Variants in LTBP1 observed in about 807,000 individuals in gnomAD.
LTBP1 encodes the protein latent transforming growth factor beta binding protein 1.
LTBP1 carries 129 observed loss-of-function variants against 207.6 expected under a neutral mutation model. The ratio of observed to expected loss-of-function variants is 0.62; its 90% confidence interval spans 0.54 to 0.72. The LOEUF is 0.72. Ranked by LOEUF, LTBP1 falls within the 30% of genes least tolerant of loss-of-function variation. The probability of loss-of-function intolerance (pLI) is 0.00; values close to 1 mark genes in which losing one functional copy is unlikely to be tolerated. For missense variants in LTBP1, 2,281 were observed against 2,217.2 expected (o/e 1.03, Z -0.58); for synonymous variants, 963 against 833.7 (o/e 1.16, Z -2.67).
intron 19 of LTBP1, chr2:33,285,680 C>T (rs535604135): frequency 6.6e-6 from 1 of 152,132 alleles, no homozygotes; most frequent in African/African-American, 2.4e-5. Context: ...AACTCCTGAC[C>T]TTGTGATCCA....
At chr2:33,004,406 T>C (rs1195536610) in intron 2 of LTBP1, among the ~76,000 whole-genome samples, 1 of 151,688 alleles carries the variant, frequency 6.6e-6, no homozygotes. Flanking sequence ...GGCATGGCGA[T>C]TTTTTTTTAA....
intron 3 of LTBP1, among the ~76,000 whole-genome samples, chr2:33,068,119 T>C (rs1287657248): frequency 7.3e-6 from 1 of 137,514 alleles, no homozygotes; most frequent in Admixed American, 8.0e-5. Context: ...TAAAATCTCA[T>C]TAGAGATTAG....
In LTBP1 at chr2:33,226,851, T is replaced by A. The variant is rs138873104; in HGVS notation, c.1876+4700T>A. Among the ~76,000 whole-genome samples, 45 of 152,288 alleles carry A rather than the reference T, an allele frequency of 3.0e-4. No individual in the cohort carries two copies. In the East Asian group the frequency reaches 8.5e-3, roughly 29 times the overall value. On this transcript the variant is annotated intron_variant, in intron 9 of 33. Coordinates refer to ENST00000404816, the MANE Select transcript of LTBP1 (RefSeq NM_206943.4). The stretch of plus-strand genomic sequence containing the variant: ...CAGCCTATTTTGATTAGCAGGGTCA[T>A]GATTAGTGCTCAGAAAATAAGTCCT...
In LTBP1 at chr2:33,046,167, A is replaced by G. The variant is rs191459317; in HGVS notation, c.863+24961A>G. 5.1e-3 allele frequency among the ~76,000 whole-genome samples: 774 copies of G among 152,300 alleles called. 3 individuals are homozygous for G. Among genetic ancestry groups the G allele is most frequent in the Non-Finnish European group, 8.0e-3 (543 of 68,022 alleles). ...AATACTATGTTGAATAGGAGTGATG[A>G]GAGAGGGCATTCTTGTCTTGTGATG... On this transcript the variant is annotated intron_variant, in intron 3 of 33. Transcript: ENST00000404816.
At chr2:33,362,910 A>G (rs1301647023) in intron 28 of LTBP1, among the ~76,000 whole-genome samples, 3 of 152,166 alleles carry the variant, frequency 2.0e-5, no homozygotes, top group Non-Finnish European at 4.4e-5. Flanking sequence ...CTGTGGGGGA[A>G]TGGGTCTGCT....
intron 2 of LTBP1, among the ~76,000 whole-genome samples, chr2:32,956,427 G>C (rs1678082198): frequency 6.6e-6 from 1 of 152,212 alleles, no homozygotes; most frequent in Non-Finnish European, 1.5e-5. Context: ...GCCAGGAGTA[G>C]ATTCCATCTC....
chr2:33,030,527 G>T (rs537351273), intron 3 of LTBP1, among the ~76,000 whole-genome samples: 1 of 152,160 alleles, frequency 6.6e-6, no homozygotes, highest in African/African-American at 2.4e-5. Context: ...TTGCTTTAAC[G>T]TCTTGAAAGG....
At chr2:33,376,345 C>T (rs1342657866) in intron 31 of LTBP1, among the ~76,000 whole-genome samples, 2 of 152,152 alleles carry the variant, frequency 1.3e-5, no homozygotes, top group Admixed American at 6.5e-5. Flanking sequence ...AAGAAAAAGC[C>T]CTCACCCTAA....
intron 9 of LTBP1, among the ~76,000 whole-genome samples, chr2:33,225,842 T>G (rs1160184531): frequency 6.6e-6 from 1 of 152,234 alleles, no homozygotes; most frequent in Non-Finnish European, 1.5e-5. Flanking sequence ...TGTTTAACTT[T>G]CTGTTCCTGG....
chr2:33,337,654 G>A (rs556974063), intron 24 of LTBP1, among the ~76,000 whole-genome samples: 3 of 152,294 alleles, frequency 2.0e-5, no homozygotes, highest in African/African-American at 4.8e-5. Context: ...AATCACGCCT[G>A]TAATCACTAA....
intron 5 of LTBP1, among the ~76,000 whole-genome samples, chr2:33,137,483 C>T (rs1029996822): frequency 6.6e-6 from 1 of 152,158 alleles, no homozygotes; most frequent in Non-Finnish European, 1.5e-5. Flanking sequence ...AGCTACTCAA[C>T]CCTGCCATCA....
At chr2:33,150,130 A>G (rs920720305) in intron 5 of LTBP1, among the ~76,000 whole-genome samples, 3 of 152,220 alleles carry the variant, frequency 2.0e-5, no homozygotes, top group Non-Finnish European at 4.4e-5. Context: ...TCACTTTTGG[A>G]CCAAGAAATG....
intron 24 of LTBP1, among the ~76,000 whole-genome samples, chr2:33,324,775 C>A (rs1281030218): frequency 1.4e-5 from 2 of 147,694 alleles, no homozygotes; most frequent in African/African-American, 2.5e-5. Context: ...GATCTCGGCT[C>A]ACTGCAACCT....
At chr2:33,227,426 C>T (rs1262620898) in intron 9 of LTBP1, among the ~76,000 whole-genome samples, 1 of 152,126 alleles carries the variant, frequency 6.6e-6, no homozygotes, top group East Asian at 1.9e-4. Context: ...AGGAATTTGA[C>T]AGTTTAAGTT....
intron 20 of LTBP1, among the ~76,000 whole-genome samples, chr2:33,296,879 G>C (rs2093887284): frequency 6.6e-6 from 1 of 152,150 alleles, no homozygotes; most frequent in East Asian, 1.9e-4. Context: ...ACCTGCTAGA[G>C]TTGATATGAG....
intron 2 of LTBP1, among the ~76,000 whole-genome samples, chr2:33,012,007 A>G (rs748875075): frequency 1.3e-5 from 2 of 151,790 alleles, no homozygotes; most frequent in Non-Finnish European, 2.9e-5. Flanking sequence ...CCCCACTGTG[A>G]TCACCCCCCA....
Position 33,347,331 on chromosome 2 carries a change from G to A in LTBP1, c.3857-36G>A, listed in dbSNP as rs180791814. ...AAAATAGAGAGCTGTCGTGAATGAG[G>A]CACACATCTCACTTGGTCTGTGCTC... On this transcript the variant is annotated intron_variant, in intron 25 of 33. Transcript: ENST00000404816. 874 of 1,613,058 alleles carry A rather than the reference G, an allele frequency of 5.4e-4. 3 individuals are homozygous for A. In the Middle Eastern group the frequency reaches 7.9e-3, roughly 15 times the overall value.
chr2:32,961,395 A>C (rs1180046719), intron 2 of LTBP1, among the ~76,000 whole-genome samples: 4 of 152,258 alleles, frequency 2.6e-5, no homozygotes, highest in Non-Finnish European at 5.9e-5. Flanking sequence ...GGGGATCCTT[A>C]CATGGTACTA....
intron 18 of LTBP1, among the ~76,000 whole-genome samples, chr2:33,279,578 G>T (rs1361853176): frequency 6.6e-6 from 1 of 151,962 alleles, no homozygotes; most frequent in Non-Finnish European, 1.5e-5. Flanking sequence ...TCCAACCTAG[G>T]ATATTCTTGG....
Sources: gnomAD v4.1 joint callset for allele counts (sites outside exome capture counted in the v4.1 genomes callset) on GRCh38, gnomAD v4.1.1 for gene constraint, MANE v1.5 for transcripts, NCBI Gene and HGNC (gene_info 2026-07-23, HGNC 2026-07-21) for gene names.